Variants in KCNQ1 observed in about 807,000 individuals in gnomAD.
The protein encoded by KCNQ1 is potassium voltage-gated channel subfamily Q member 1.
A neutral mutation model predicts 72.4 loss-of-function variants in KCNQ1; 49 were observed. That is an observed-to-expected ratio of 0.68 (90% CI 0.54 to 0.86). The LOEUF (loss-of-function observed/expected upper bound fraction) is 0.86. Among genes scored for constraint, KCNQ1 ranks in the 40% least tolerant of loss-of-function variants. KCNQ1 has a pLI of 0.00. For missense variants in KCNQ1, 790 were observed against 945.1 expected, an observed-to-expected ratio of 0.84 and a Z score of 2.15; for synonymous variants, 450 against 412.6, an observed-to-expected ratio of 1.09 and a Z score of -1.10.
At chr11:2,774,218 G>A (rs1488825772) in intron 12 of KCNQ1, among the ~76,000 whole-genome samples, 1 of 152,254 alleles carries the variant, frequency 6.6e-6, no homozygotes, top group Non-Finnish European at 1.5e-5. Flanking sequence ...GAGACCTGAG[G>A]ATGTTATTAC....
chr11:2,570,343 C>G (rs1459869105), intron 2 of KCNQ1, among the ~76,000 whole-genome samples: 3 of 152,352 alleles, frequency 2.0e-5, no homozygotes, highest in Non-Finnish European at 4.4e-5. Context: ...CTGGCCAAGG[C>G]TGGGGTTCCT....
In KCNQ1 at chr11:2,848,434, C is replaced by T. The variant is rs1223421616; in HGVS notation, c.*431C>T. The T allele has an allele frequency of 2.1e-6, 1 of 467,708 alleles. No individual in the cohort carries two copies. The highest frequency in any genetic ancestry group is 1.6e-5 in the South Asian group (1 of 64,428). 29.0% of individuals were successfully genotyped at this position (467,708 alleles called of 1,614,324 possible). ...GGACCCCAGCCTCAAATCCAGGACCCTGCCAGGCACAGGCAGGGCAGGACC... is the reference window on the plus strand; with the variant it reads ...GGACCCCAGCCTCAAATCCAGGACCTTGCCAGGCACAGGCAGGGCAGGACC... On this transcript the variant is annotated 3_prime_UTR_variant, in exon 16 of 16. Transcript: ENST00000155840.
chr11:2,551,754 C>G (rs1589945907), intron 2 of KCNQ1, among the ~76,000 whole-genome samples: 1 of 152,246 alleles, frequency 6.6e-6, no homozygotes, highest in African/African-American at 2.4e-5. Flanking sequence ...TGGATTCTCA[C>G]CAGCACTTAG....
intron 2 of KCNQ1, among the ~76,000 whole-genome samples, chr11:2,530,632 TATG>T (rs1350674842): frequency 1.3e-5 from 2 of 152,208 alleles, no homozygotes; most frequent in African/African-American, 4.8e-5. Context: ...ATCTGAGTAT[TATG>T]TAAGTGTGCA....
intron 2 of KCNQ1, among the ~76,000 whole-genome samples, chr11:2,568,515 G>A (rs1444898793): frequency 6.6e-6 from 1 of 152,220 alleles, no homozygotes; most frequent in Non-Finnish European, 1.5e-5. Flanking sequence ...ACCAAACAAA[G>A]GCGGGTGTTA....
chr11:2,804,258 C>G lies in KCNQ1; in HGVS notation c.1794+26221C>G, dbSNP rs36079167. ...TCTCCACCGAGCCCTGCAAATGCCT[C>G]GGCACATCAGCAAGCACAGGCCTCC... On this transcript the variant is annotated intron_variant, in intron 15 of 15. Transcript: ENST00000155840. Among the ~76,000 whole-genome samples the G allele has an allele frequency of 9.7e-3, 1,473 of 152,238 alleles. 23 individuals are homozygous for G. Among genetic ancestry groups the G allele is most frequent in the African/African-American group, 0.032 (1,344 of 41,526 alleles).
At chr11:2,672,878 C>T (rs1850212028) in intron 11 of KCNQ1, 2 of 398,742 alleles carry the variant, frequency 5.0e-6, no homozygotes. Context: ...AGCCACCTGA[C>T]TGTCAGGGGA....
At chr11:2,449,980 C>T (rs917050825) in intron 1 of KCNQ1, among the ~76,000 whole-genome samples, 5 of 152,174 alleles carry the variant, frequency 3.3e-5, no homozygotes, top group Non-Finnish European at 7.3e-5. Context: ...TGCCTTCCAG[C>T]GATGGGAATG....
rs1020941919 is a variant in KCNQ1 at position 2,703,623 on chromosome 11, C to T, written c.1514+41542C>T. On this transcript the variant is annotated intron_variant, in intron 11 of 15. Coordinates refer to ENST00000155840, the MANE Select transcript of KCNQ1 (RefSeq NM_000218.3). This position sits in a 1 kb window ranked among gnomAD's most constrained non-coding sequence, Gnocchi z 6.4. ...GGAAGTTGCTGAGCTAATTCTTTTG[C>T]ATTTGCCAGCACAGAAGTGCAGATG... 7.9e-5 allele frequency among the ~76,000 whole-genome samples: 12 copies of T among 151,942 alleles called. No individual in the cohort carries two copies. Among genetic ancestry groups the T allele is most frequent in the East Asian group, 1.9e-4 (1 of 5,142 alleles).
chr11:2,610,165 A>G (rs1848955482), intron 10 of KCNQ1: 4 of 397,408 alleles, frequency 1.0e-5, no homozygotes, highest in African/African-American at 2.1e-5. Flanking sequence ...TGATTCTTCA[A>G]TATTCTATTT....
intron 15 of KCNQ1, among the ~76,000 whole-genome samples, chr11:2,844,662 G>A (rs1191559628): frequency 2.0e-5 from 3 of 152,212 alleles, no homozygotes; most frequent in Non-Finnish European, 2.9e-5. Context: ...CACACCCTCA[G>A]CCTGCACTGC....
Position 2,678,527 on chromosome 11 carries a change from G to A in KCNQ1, c.1514+16446G>A, listed in dbSNP as rs955044055. 9.6e-4 allele frequency: 381 copies of A among 398,524 alleles called. 7 individuals carry two copies. In the East Asian group the frequency reaches 0.013, roughly 14 times the overall value. The allele number at this position is 398,524 out of a possible 1,614,324, so 24.7% of individuals were successfully genotyped here. A position where few individuals can be genotyped will look rare whatever the true frequency, so the allele number is the denominator to read the frequency against. ...CTAGACTCTATTCTGGACTGCTGATGGGCCTGTTGATAGGCCAGAGCTCAG... is the reference window on the plus strand; with the variant it reads ...CTAGACTCTATTCTGGACTGCTGATAGGCCTGTTGATAGGCCAGAGCTCAG... On this transcript the variant is annotated intron_variant, in intron 11 of 15. Coordinates refer to ENST00000155840, the MANE Select transcript of KCNQ1 (RefSeq NM_000218.3). This position sits in a 1 kb window ranked among gnomAD's most constrained non-coding sequence, Gnocchi z 4.9.
In KCNQ1 at chr11:2,593,536, G is replaced by T. The variant is rs1848696911; in HGVS notation, c.1393+4682G>T. On this transcript the variant is annotated intron_variant, in intron 10 of 15. Coordinates refer to ENST00000155840, the MANE Select transcript of KCNQ1 (RefSeq NM_000218.3). This position sits in a 1 kb window ranked among gnomAD's most constrained non-coding sequence, Gnocchi z 6.9. ...TGCCTGTGTGTGTCACCACGTGTTTGCCAGGTGACCTGGGACTATTGTGTG... is the reference window on the plus strand; with the variant it reads ...TGCCTGTGTGTGTCACCACGTGTTTTCCAGGTGACCTGGGACTATTGTGTG... Among the ~76,000 whole-genome samples, 1 of 152,218 alleles carries T rather than the reference G, an allele frequency of 6.6e-6. No homozygotes were observed. Among genetic ancestry groups the T allele is most frequent in the Admixed American group, 6.5e-5 (1 of 15,284 alleles).
chr11:2,523,300 C>G (rs865830809), intron 1 of KCNQ1, among the ~76,000 whole-genome samples: 4 of 151,918 alleles, frequency 2.6e-5, no homozygotes, highest in Non-Finnish European at 4.4e-5. Flanking sequence ...TTCAAGCAAT[C>G]CCCCTGCCTC....
rs1845891956 is a variant in KCNQ1 at position 2,733,774 on chromosome 11, C to CACACACACACACACACA, written c.1515-35070_1515-35069insACACACACACACACACA. On this transcript the variant is annotated intron_variant, in intron 11 of 15. Transcript: ENST00000155840. ...GGGCAGGAGGGGGACTTCAGGCCTT[C>CACACACACACACACACA]CACACACACACACACACACACACAC... 2.0e-3 allele frequency among the ~76,000 whole-genome samples: 114 copies of CACACACACACACACACA among 57,560 alleles called. 2 individuals are homozygous for CACACACACACACACACA. Among genetic ancestry groups the CACACACACACACACACA allele is most frequent in the Non-Finnish European group, 1.8e-3 (52 of 28,992 alleles). 37.8% of individuals were successfully genotyped at this position (57,560 alleles called of 152,430 possible).
chr11:2,620,073 C>A lies in KCNQ1; in HGVS notation c.1393+31219C>A. ...GATCATCTTTATGTCCATGTTTACT[C>A]AGTGTTTAGGTCCCACTTGCAAGTG... On this transcript the variant is annotated intron_variant, in intron 10 of 15. Coordinates refer to ENST00000155840, the MANE Select transcript of KCNQ1 (RefSeq NM_000218.3). The surrounding 1 kb of genome is among the most constrained non-coding windows in gnomAD (Gnocchi z 4.5). 2.5e-6 allele frequency: 1 copy of A among 398,172 alleles called. No homozygotes were observed. The highest frequency in any genetic ancestry group is 1.3e-4 in the South Asian group (1 of 7,810). The allele number at this position is 398,172 out of a possible 1,614,324, so 24.7% of individuals were successfully genotyped here.
intron 15 of KCNQ1, among the ~76,000 whole-genome samples, chr11:2,814,969 C>T (rs948543831): frequency 5.9e-5 from 9 of 152,224 alleles, no homozygotes; most frequent in African/African-American, 1.7e-4. Flanking sequence ...ACGGCCCCAG[C>T]GCTATGCCCT....
chr11:2,791,139 TC>T (rs1847013691), intron 15 of KCNQ1, among the ~76,000 whole-genome samples: 1 of 152,224 alleles, frequency 6.6e-6, no homozygotes, highest in Admixed American at 6.5e-5. Context: ...TGTGTCAACT[TC>T]TGTGAGTGCA....
At chr11:2,476,002 T>G (rs1400745474) in intron 1 of KCNQ1, among the ~76,000 whole-genome samples, 1 of 152,218 alleles carries the variant, frequency 6.6e-6, no homozygotes, top group Non-Finnish European at 1.5e-5. Context: ...GGACTAATAC[T>G]GACAATAAAT....
Sources: allele counts gnomAD v4.1 joint callset (sites outside exome capture counted in the v4.1 genomes callset), GRCh38; gene constraint gnomAD v4.1.1; non-coding constraint Gnocchi (gnomAD v3.1); transcripts MANE v1.5; gene names NCBI Gene and HGNC (gene_info 2026-07-23, HGNC 2026-07-21).